RCOR3: variants seen among roughly 807,000 people sequenced by gnomAD.
RCOR3 encodes REST corepressor 3.
In RCOR3, 13 loss-of-function variants were observed where a neutral mutation model predicts 64.1. The ratio of observed to expected loss-of-function variants is 0.20; its 90% CI spans 0.13 to 0.32. RCOR3 has a LOEUF of 0.32. Among genes scored for constraint, RCOR3 ranks in the 10% least tolerant of loss-of-function variants. The pLI, the probability that RCOR3 is intolerant of heterozygous loss-of-function variation, is 1.00. For synonymous variants in RCOR3, 215 were observed against 239.0 expected, an observed-to-expected ratio of 0.90 and a Z score of 0.93; for missense variants, 489 against 701.2, an observed-to-expected ratio of 0.70 and a Z score of 3.42.
intron 1 of RCOR3, 51 bp downstream of exon 1, chr1:211,259,777 C>T (rs1693852301): frequency 2.9e-6 from 3 of 1,027,946 alleles, no homozygotes; most frequent in South Asian, 1.6e-5. Flanking sequence ...CCTCCCTCTT[C>T]CCCTCCCCCA....
rs551050940 is a variant in RCOR3, at chr1:211,286,509, G to A, written c.721-2669G>A. On this transcript the variant is annotated intron_variant, in intron 7 of 11. Transcript: ENST00000419091. ...TTTTTAATAGAGATGGGGTTTCACC[G>A]GGTTAGCCAGTATGGTCTCGATCTC... Among the ~76,000 whole-genome samples, 5 of 152,034 alleles carry A rather than the reference G, an allele frequency of 3.3e-5. No individual in the cohort carries two copies. In the South Asian group the frequency reaches 6.2e-4, roughly 19 times the overall value.
At position 211,289,372 on chromosome 1, in the gene RCOR3, G is replaced by A; in HGVS notation, c.915G>A (p.Met305Ile). The A allele has an allele frequency of 6.2e-7, 1 of 1,613,806 alleles. No individual in the cohort carries two copies. The highest frequency in any genetic ancestry group is 1.1e-5 in the South Asian group (1 of 91,064). The change falls in exon 8 of 12, where the codon ATG (methionine) becomes ATA (isoleucine). Residue 305 changes from methionine to isoleucine, a missense_variant. Met to Ile is a conservative substitution (Grantham distance 10). Transcript: ENST00000419091. Reference sequence around the variant, plus strand: ...ACACCATCCTGAGGCAACTGGACATGGAGTTGATCTCTCTAAAACGTCAGG... The same window carrying A: ...ACACCATCCTGAGGCAACTGGACATAGAGTTGATCTCTCTAAAACGTCAGG... ...AANTILRQLD[M>I]ELISLKRQVQ... is the part of the protein sequence containing the mutation.
chr1:211,300,544 CTCT>C (rs773492846), intron 9 of RCOR3, among the ~76,000 whole-genome samples: 4 of 152,106 alleles, frequency 2.6e-5, no homozygotes, highest in Non-Finnish European at 5.9e-5. Flanking sequence ...TCTTTTATAA[CTCT>C]TCTTCTGTTC....
intron 9 of RCOR3, among the ~76,000 whole-genome samples, chr1:211,298,527 G>T (rs1700063600): frequency 6.6e-6 from 1 of 152,144 alleles, no homozygotes; most frequent in African/African-American, 2.4e-5. Flanking sequence ...CTAATTAATA[G>T]CTATTGAGGA....
Position 211,301,413 on chromosome 1 carries a change from T to G in RCOR3, c.1018-2670T>G, listed in dbSNP as rs41275356. ...GTCTTATTTTAGTTATGATCACACC[T>G]CTGACCCCTTGCCCCCCAAAACAAA... On this transcript the variant is annotated intron_variant, in intron 9 of 11. Transcript: ENST00000419091. 6.3e-3 allele frequency: 966 copies of G among 152,324 alleles called. 4 individuals are homozygous for G. Among genetic ancestry groups the G allele is most frequent in the Middle Eastern group, 0.014 (4 of 294 alleles). 9.4% of individuals were successfully genotyped at this position (152,324 alleles called of 1,614,324 possible).
chr1:211,278,079 G>T, intron 5 of RCOR3, 38 bp from the exon 6 acceptor site: 1 of 1,530,322 alleles, frequency 6.5e-7, no homozygotes, highest in Non-Finnish European at 8.9e-7. Flanking sequence ...TTTTGTTTAT[G>T]AATTAAACTT....
At chr1:211,304,821 G>T (rs1700706038) in intron 10 of RCOR3, among the ~76,000 whole-genome samples, 1 of 152,154 alleles carries the variant, frequency 6.6e-6, no homozygotes, top group African/African-American at 2.4e-5. Flanking sequence ...ATGTTTAAAT[G>T]ACTTAAAGAC....
intron 2 of RCOR3, among the ~76,000 whole-genome samples, chr1:211,265,929 G>A (rs1695108364): frequency 6.6e-6 from 1 of 152,116 alleles, no homozygotes. Flanking sequence ...ACTCTTGTAA[G>A]ATTTGGAATA....
At chr1:211,300,878 CTT>C (rs1378592112) in intron 9 of RCOR3, among the ~76,000 whole-genome samples, 1 of 152,036 alleles carries the variant, frequency 6.6e-6, no homozygotes, top group Admixed American at 6.6e-5. Flanking sequence ...CTGTGTGTCT[CTT>C]TGAACTGAGG....
chr1:211,266,256 C>T (rs960305502), intron 2 of RCOR3, among the ~76,000 whole-genome samples: 1 of 152,028 alleles, frequency 6.6e-6, no homozygotes, highest in Admixed American at 6.6e-5. Context: ...TTAATATTCT[C>T]AATATTTAAG....
chr1:211,302,616 T>C (rs1013510999), intron 9 of RCOR3: 3 of 152,268 alleles, frequency 2.0e-5, no homozygotes, highest in Admixed American at 6.5e-5. Context: ...AACTAATTTC[T>C]ACAGGTTTTA....
At chr1:211,305,274 A>G (rs1700747780) in intron 10 of RCOR3, among the ~76,000 whole-genome samples, 1 of 152,184 alleles carries the variant, frequency 6.6e-6, no homozygotes, top group Non-Finnish European at 1.5e-5. Context: ...TGATACTATG[A>G]CACAGGGTGC....
chr1:211,260,207 G>C (rs774575356), intron 2 of RCOR3, 43 bp downstream of exon 2: 5 of 1,593,436 alleles, frequency 3.1e-6, no homozygotes, highest in Non-Finnish European at 4.3e-6. Context: ...CCCCTTTCCT[G>C]GGCTTGGTTT....
intron 10 of RCOR3, among the ~76,000 whole-genome samples, chr1:211,307,326 G>A (rs1700942190): frequency 6.6e-6 from 1 of 151,886 alleles, no homozygotes; most frequent in African/African-American, 2.4e-5. Context: ...CATCTTCACT[G>A]AAAATACAAA....
At chr1:211,302,877 C>T (rs79634453) in intron 9 of RCOR3, 123 of 152,316 alleles carry the variant, frequency 8.1e-4, no homozygotes, top group African/African-American at 2.8e-3. Context: ...CTCCTCCATT[C>T]TTGTTACTTC....
chr1:211,309,466 C>A (rs2102671700), intron 10 of RCOR3, among the ~76,000 whole-genome samples: 1 of 152,212 alleles, frequency 6.6e-6, no homozygotes, highest in East Asian at 1.9e-4. Context: ...TATAAGATAT[C>A]ATCTGCCAGC....
In RCOR3 at chr1:211,313,201, G is replaced by A; in HGVS notation, c.1318-223G>A. 7.0e-7 allele frequency: 1 copy of A among 1,432,360 alleles called. No individual in the cohort carries two copies. The highest frequency in any genetic ancestry group is 9.1e-7 in the Non-Finnish European group (1 of 1,100,266). The allele number at this position is 1,432,360 out of a possible 1,614,324, so 88.7% of individuals were successfully genotyped here. A position where few individuals can be genotyped will look rare whatever the true frequency, so the allele number is the denominator to read the frequency against. ...GTCTTATTTTTATTTTCAGTGTTAA[G>A]CTGTTTACAAATAAAGATGCCTGTT... On this transcript the variant is annotated intron_variant, in intron 11 of 11. Transcript: ENST00000419091. This position sits in a 1 kb window ranked among gnomAD's most constrained non-coding sequence, Gnocchi z 4.7.
intron 10 of RCOR3, among the ~76,000 whole-genome samples, chr1:211,304,523 A>G (rs148925435): frequency 1.1e-4 from 16 of 152,242 alleles, no homozygotes; most frequent in Middle Eastern, 6.8e-3. Context: ...TGATTTCTCT[A>G]CTCTGCAAAA....
At chr1:211,275,808 G>T (rs1407209514) in intron 4 of RCOR3, among the ~76,000 whole-genome samples, 1 of 151,532 alleles carries the variant, frequency 6.6e-6, no homozygotes, top group East Asian at 1.9e-4. Flanking sequence ...ACTTGTAAAA[G>T]ATTAAAACTT....
Sources: gnomAD v4.1 joint callset for allele counts (sites outside exome capture counted in the v4.1 genomes callset) on GRCh38, gnomAD v4.1.1 for gene constraint, Gnocchi (gnomAD v3.1) non-coding constraint, MANE v1.5 for transcripts, NCBI Gene and HGNC (gene_info 2026-07-23, HGNC 2026-07-21) for gene names.